Variants in PDE4D observed in about 807,000 individuals in gnomAD.
PDE4D encodes 3',5'-cyclic-AMP phosphodiesterase 4D.
Under a neutral mutation model 87.4 loss-of-function variants are expected in PDE4D, and 24 were observed. That is an observed-to-expected ratio of 0.27 (90% CI 0.20 to 0.39). The LOEUF (loss-of-function observed/expected upper bound fraction) is 0.39. Among genes scored for constraint, PDE4D ranks in the 10% least tolerant of loss-of-function variants. The pLI is 1.00. For synonymous variants in PDE4D, 384 were observed against 383.2 expected (o/e 1.00, Z -0.02); for missense variants, 714 against 1,041.0 (o/e 0.69, Z 4.32).
At chr5:58,996,265 C>A (rs1342974226) in intron 6 of PDE4D, among the ~76,000 whole-genome samples, 1 of 151,922 alleles carries the variant, frequency 6.6e-6, no homozygotes, top group Non-Finnish European at 1.5e-5. Context: ...CACATGTATA[C>A]CAGAACTTAA....
intron 1 of PDE4D, among the ~76,000 whole-genome samples, chr5:59,438,534 T>C (rs1425158133): frequency 1.3e-5 from 2 of 152,230 alleles, no homozygotes; most frequent in Admixed American, 1.3e-4. Flanking sequence ...CTAGGGGACT[T>C]TACTCTTCAG....
intron 1 of PDE4D, chr5:60,459,995 C>T: frequency 1.1e-6 from 1 of 923,260 alleles, no homozygotes; most frequent in Non-Finnish European, 1.8e-6. Flanking sequence ...TCTGCTTCTT[C>T]ATCATCCATA....
At chr5:59,193,287 A>G (rs1448919394) in intron 3 of PDE4D, among the ~76,000 whole-genome samples, 5 of 152,218 alleles carry the variant, frequency 3.3e-5, no homozygotes, top group Non-Finnish European at 7.3e-5. Flanking sequence ...TGAAGCAAAG[A>G]CACTCTTTGG....
chr5:60,363,360 G>A (rs62372003), intron 1 of PDE4D, among the ~76,000 whole-genome samples: 6,114 of 152,024 alleles, frequency 0.04, 148 homozygotes, highest in Middle Eastern at 0.082. Flanking sequence ...CACTACCCTC[G>A]AACCCTATTC....
chr5:59,305,082 ATCTGT>A (rs1317180855), intron 1 of PDE4D, among the ~76,000 whole-genome samples: 15 of 151,882 alleles, frequency 9.9e-5, no homozygotes, highest in Admixed American at 6.6e-5. Flanking sequence ...CTTGTTATTG[ATCTGT>A]TCAGTGTATC....
intron 3 of PDE4D, among the ~76,000 whole-genome samples, chr5:59,982,098 T>C (rs1401843063): frequency 6.6e-6 from 1 of 152,242 alleles, no homozygotes; most frequent in Non-Finnish European, 1.5e-5. Context: ...CTTCTCTCTC[T>C]GTTGGGTAGT....
intron 1 of PDE4D, among the ~76,000 whole-genome samples, chr5:59,420,106 ATCGGTAAGTCC>A (rs1794235684): frequency 6.6e-6 from 1 of 152,180 alleles, no homozygotes; most frequent in African/African-American, 2.4e-5. Flanking sequence ...TTGAATTTGC[ATCGGTAAGTCC>A]TTGGATGGTG....
intron 1 of PDE4D, among the ~76,000 whole-genome samples, chr5:60,206,783 C>T (rs1405271319): frequency 6.6e-6 from 1 of 152,198 alleles, no homozygotes; most frequent in African/African-American, 2.4e-5. Flanking sequence ...ATTTGTAGGG[C>T]ATCTCTTAAT....
chr5:59,572,477 T>TTTTGTA (rs1223333276), intron 1 of PDE4D, among the ~76,000 whole-genome samples: 16 of 151,394 alleles, frequency 1.1e-4, no homozygotes, highest in African/African-American at 3.7e-4. Context: ...TTTGTTTTGT[T>TTTTGTA]TTTGTTTTTG....
At chr5:59,447,419 C>A (rs1463611551) in intron 1 of PDE4D, among the ~76,000 whole-genome samples, 2 of 152,162 alleles carry the variant, frequency 1.3e-5, no homozygotes, top group Admixed American at 1.3e-4. Flanking sequence ...TTTAGGGTGT[C>A]CATTGTGCAC....
At chr5:59,010,850 G>A (rs10040742) in intron 6 of PDE4D, among the ~76,000 whole-genome samples, 15,332 of 152,126 alleles carry the variant, frequency 0.1, 1,030 homozygotes, top group Non-Finnish European at 0.13. Flanking sequence ...TCCTCAAGCG[G>A]GTCCCTGACC....
intron 6 of PDE4D, among the ~76,000 whole-genome samples, chr5:59,023,189 A>AAAAG (rs536478976): frequency 9.3e-5 from 14 of 150,340 alleles, no homozygotes; most frequent in East Asian, 2.0e-4. Flanking sequence ...AAAAAAAAAA[A>AAAAG]AGAGAGAGAG....
At chr5:59,813,483 T>C (rs72751269) in intron 1 of PDE4D, among the ~76,000 whole-genome samples, 1,880 of 87,048 alleles carry the variant, frequency 0.022, 23 homozygotes, top group South Asian at 0.039. Context: ...CACACACACA[T>C]ATGCCTGTCA....
At chr5:59,539,778 C>A (rs553505849) in intron 1 of PDE4D, among the ~76,000 whole-genome samples, 24 of 152,162 alleles carry the variant, frequency 1.6e-4, no homozygotes, top group South Asian at 6.2e-4. Context: ...TAAAAGTCTA[C>A]CCCATATTTT....
intron 1 of PDE4D, among the ~76,000 whole-genome samples, chr5:60,413,056 A>G (rs1483706130): frequency 6.6e-6 from 1 of 152,190 alleles, no homozygotes; most frequent in Non-Finnish European, 1.5e-5. Context: ...ATATATGTAT[A>G]ATTCATTTAA....
At chr5:59,387,805 A>T (rs364528) in intron 1 of PDE4D, among the ~76,000 whole-genome samples, 81,742 of 151,932 alleles carry the variant, frequency 0.54, 23,415 homozygotes, top group African/African-American at 0.73. Flanking sequence ...CAAGATCACT[A>T]AAAATCTACT....
intron 1 of PDE4D, among the ~76,000 whole-genome samples, chr5:60,469,164 T>G (rs1174473601): frequency 6.6e-6 from 1 of 152,178 alleles, no homozygotes; most frequent in African/African-American, 2.4e-5. Flanking sequence ...ATTCTCACTA[T>G]GGTCACTAAG....
chr5:59,818,649 C>T (rs188004506), intron 1 of PDE4D, among the ~76,000 whole-genome samples: 135 of 152,242 alleles, frequency 8.9e-4, no homozygotes, highest in South Asian at 4.4e-3. Flanking sequence ...TTGTGAACTG[C>T]AAAGTCATTT....
intron 1 of PDE4D, among the ~76,000 whole-genome samples, chr5:59,421,480 A>G (rs1794472781): frequency 6.6e-6 from 1 of 152,170 alleles, no homozygotes; most frequent in South Asian, 2.1e-4. Context: ...AGGGACTCAT[A>G]TAAGAACATT....
Sources: gnomAD v4.1 joint callset for allele counts (sites outside exome capture counted in the v4.1 genomes callset) on GRCh38, gnomAD v4.1.1 for gene constraint, MANE v1.5 for transcripts, NCBI Gene and HGNC (gene_info 2026-07-23, HGNC 2026-07-21) for gene names.